Variants in SLIT1 observed in about 807,000 individuals in gnomAD.
SLIT1 encodes slit homolog 1 protein.
A neutral mutation model predicts 186.1 loss-of-function variants in SLIT1; 66 were observed. The observed-to-expected ratio is 0.35, with a 90% CI of 0.29 to 0.44. SLIT1 has a LOEUF of 0.44. Among genes scored for constraint, SLIT1 ranks in the 20% least tolerant of loss-of-function variants. SLIT1 has a pLI of 1.00. For missense variants in SLIT1, 1,638 were observed against 2,037.4 expected (o/e 0.80, Z 3.77); for synonymous variants, 761 against 833.8 (o/e 0.91, Z 1.50).
At chr10:97,059,340 G>T in intron 11 of SLIT1, 120 bp downstream of exon 11, 1 of 788,490 alleles carries the variant, frequency 1.3e-6, no homozygotes, top group Non-Finnish European at 2.2e-6. Context: ...GGTGGGCAGG[G>T]GCTGTGTGGA....
At chr10:97,032,382 G>A (rs2817672) in intron 23 of SLIT1, among the ~76,000 whole-genome samples, 102,109 of 151,814 alleles carry the variant, frequency 0.67, 36,946 homozygotes, top group Non-Finnish European at 0.79. Flanking sequence ...CAGCCTGACC[G>A]ACATGGCAAA....
intron 4 of SLIT1, among the ~76,000 whole-genome samples, chr10:97,121,295 G>C (rs1252949126): frequency 6.6e-6 from 1 of 152,082 alleles, no homozygotes; most frequent in Non-Finnish European, 1.5e-5. Flanking sequence ...GAAGGCAGTC[G>C]GCTTACCCCC....
At chr10:97,115,168 A>T (rs1849497955) in intron 4 of SLIT1, among the ~76,000 whole-genome samples, 1 of 152,242 alleles carries the variant, frequency 6.6e-6, no homozygotes, top group African/African-American at 2.4e-5. Flanking sequence ...GGCCCAGTGC[A>T]GGGGCCCCTT....
chr10:97,131,405 C>A (rs1031697537), intron 4 of SLIT1, among the ~76,000 whole-genome samples: 10 of 152,230 alleles, frequency 6.6e-5, no homozygotes, highest in Non-Finnish European at 1.2e-4. Context: ...GCTGCGCCCA[C>A]CCAGCCCTGG....
intron 1 of SLIT1, among the ~76,000 whole-genome samples, chr10:97,178,501 C>A (rs567366375): frequency 4.1e-4 from 62 of 152,276 alleles, no homozygotes; most frequent in African/African-American, 1.4e-3. Flanking sequence ...AGACTAAAGA[C>A]CATGACCATT....
chr10:97,021,185 G>T lies in SLIT1; in HGVS notation c.2746+65C>A. ...CACAGGGACGCAGGCATGTTAGGAA[G>T]GCCCTGCAGTGTTGGGCAAGTTCTG... On this transcript the variant is annotated intron_variant, in intron 26 of 36. Coordinates refer to ENST00000266058, the MANE Select transcript of SLIT1 (RefSeq NM_003061.3). This position sits in a 1 kb window ranked among gnomAD's most constrained non-coding sequence, Gnocchi z 4.5. The T allele has an allele frequency of 6.7e-7, 1 of 1,495,846 alleles. No homozygotes were observed. Among genetic ancestry groups the T allele is most frequent in the East Asian group, 2.3e-5 (1 of 42,826 alleles). 92.7% of individuals were successfully genotyped at this position (1,495,846 alleles called of 1,614,324 possible).
chr10:97,045,748 G>T (rs1237617660), intron 18 of SLIT1, among the ~76,000 whole-genome samples: 1 of 152,178 alleles, frequency 6.6e-6, no homozygotes, highest in East Asian at 1.9e-4. Flanking sequence ...AATAAAATTT[G>T]CTTTTTGTAA....
chr10:97,121,768 G>C (rs1849561909), intron 4 of SLIT1, among the ~76,000 whole-genome samples: 1 of 152,052 alleles, frequency 6.6e-6, no homozygotes, highest in African/African-American at 2.4e-5. Flanking sequence ...CATTTCATCT[G>C]CCCATTCCTG....
At position 97,001,021 on chromosome 10, in the gene SLIT1, C is replaced by T; in HGVS notation, c.*91G>A. ...TGCCCAGGAGCCGTCCTGTGATGAC[C>T]TGCACCCCAGCCCAGCTGCTGGCGA... On this transcript the variant is annotated 3_prime_UTR_variant, in exon 37 of 37. Coordinates refer to ENST00000266058, the MANE Select transcript of SLIT1 (RefSeq NM_003061.3). 1 of 1,059,446 alleles carries T rather than the reference C, an allele frequency of 9.4e-7. No individual in the cohort carries two copies. Among genetic ancestry groups the T allele is most frequent in the South Asian group, 1.4e-5 (1 of 70,344 alleles). 65.6% of individuals were successfully genotyped at this position (1,059,446 alleles called of 1,614,324 possible). A position where few individuals can be genotyped will look rare whatever the true frequency, so the allele number is the denominator to read the frequency against.
At chr10:97,042,762 CT>C in intron 20 of SLIT1, 138 bp downstream of exon 20, 1 of 856,648 alleles carries the variant, frequency 1.2e-6, no homozygotes, top group Non-Finnish European at 1.8e-6. Context: ...AAAACAGGGC[CT>C]CCCCTCCCCA....
Position 97,013,758 on chromosome 10 carries a change from G to A in SLIT1, c.3186C>T (p.Gly1062=), listed in dbSNP as rs904166210. The A allele has an allele frequency of 6.7e-5, 104 of 1,551,370 alleles. No individual in the cohort carries two copies. Among genetic ancestry groups the A allele is most frequent in the Non-Finnish European group, 8.7e-5 (100 of 1,146,870 alleles). ...NPCQHEAQCV[G]TPDGPRCECM... is the part of the protein sequence containing the mutation. ...ACACTCACCTGGGCCCATCCGGGGTGCCCACACACTGGGCCTCGTGTTGAC... is the reference window on the plus strand; with the variant it reads ...ACACTCACCTGGGCCCATCCGGGGTACCCACACACTGGGCCTCGTGTTGAC... The change falls in exon 30 of 37, where the codon GGC becomes GGT. Residue 1062 remains glycine (G), a synonymous_variant. Transcript: ENST00000266058.
chr10:97,030,432 G>A (rs183627462), intron 25 of SLIT1, among the ~76,000 whole-genome samples: 9 of 152,270 alleles, frequency 5.9e-5, no homozygotes, highest in South Asian at 2.1e-4. Context: ...TCCATTTCCC[G>A]GTGTGAAAGA....
At chr10:97,169,012 G>A (rs1012478789) in intron 1 of SLIT1, among the ~76,000 whole-genome samples, 1 of 152,106 alleles carries the variant, frequency 6.6e-6, no homozygotes, top group African/African-American at 2.4e-5. Context: ...TCACCCTTTT[G>A]TACCAGCCCC....
Position 97,049,013 on chromosome 10 carries a change from G to C in SLIT1, c.1407C>G (p.Pro469=), listed in dbSNP as rs745571663. The C allele has an allele frequency of 1.2e-5, 20 of 1,611,568 alleles. No homozygotes were observed. Among genetic ancestry groups the C allele is most frequent in the Non-Finnish European group, 5.9e-6 (7 of 1,179,558 alleles). The change falls in exon 14 of 37, where the codon CCC becomes CCG. Residue 469 remains proline, a synonymous_variant. Coordinates refer to ENST00000266058, the MANE Select transcript of SLIT1 (RefSeq NM_003061.3). ...CGATGCGCTTGTTGGCGAGGCGCCG[G>C]GGACTGGCACAGCGGGCACCACTCG... is the stretch of plus-strand genomic sequence containing the variant. ...IETSGARCAS[P]RRLANKRIGQ...
chr10:97,018,817 C>G, intron 27 of SLIT1, 134 bp from the exon 28 acceptor site: 1 of 646,348 alleles, frequency 1.5e-6, no homozygotes. Flanking sequence ...CATTCGTCCA[C>G]TTCATTCATT....
At chr10:97,175,344 A>T (rs576443439) in intron 1 of SLIT1, among the ~76,000 whole-genome samples, 4 of 152,302 alleles carry the variant, frequency 2.6e-5, no homozygotes, top group African/African-American at 7.2e-5. Flanking sequence ...AAATAATGCC[A>T]CTTTGAACAT....
intron 3 of SLIT1, among the ~76,000 whole-genome samples, chr10:97,160,076 G>A (rs779252731): frequency 2.0e-5 from 3 of 152,046 alleles, no homozygotes; most frequent in Non-Finnish European, 2.9e-5. Flanking sequence ...TCCTGGCCAC[G>A]GTACAGTGCC....
At chr10:97,085,666 G>A (rs146832173) in intron 4 of SLIT1, among the ~76,000 whole-genome samples, 2,024 of 152,342 alleles carry the variant, frequency 0.013, 40 homozygotes, top group East Asian at 0.09. Context: ...GATTATGGGC[G>A]TGAGCCACCG....
At chr10:97,033,050 CT>C (rs71007311) in intron 23 of SLIT1, among the ~76,000 whole-genome samples, 3,607 of 139,698 alleles carry the variant, frequency 0.026, 110 homozygotes, top group African/African-American at 0.077. Flanking sequence ...TTCTTTCTTT[CT>C]TTTTTTTTTT....
Sources: allele counts gnomAD v4.1 joint callset (sites outside exome capture counted in the v4.1 genomes callset), GRCh38; gene constraint gnomAD v4.1.1; non-coding constraint Gnocchi (gnomAD v3.1); transcripts MANE v1.5; gene names NCBI Gene and HGNC (gene_info 2026-07-23, HGNC 2026-07-21).